PPP2R3C: variants seen among roughly 807,000 people sequenced by gnomAD.
The protein encoded by PPP2R3C is protein phosphatase 2 regulatory subunit B''gamma, also known as serine/threonine-protein phosphatase 2A regulatory subunit B'' subunit gamma.
PPP2R3C carries 47 observed loss-of-function variants against 63.7 expected under a neutral mutation model. The ratio of observed to expected loss-of-function variants is 0.74; its 90% CI spans 0.58 to 0.94. The LOEUF (loss-of-function observed/expected upper bound fraction) is 0.94, where lower values mean the gene tolerates loss of function less well. Among genes scored for constraint, PPP2R3C ranks in the 40% least tolerant of loss-of-function variants. PPP2R3C has a pLI of 0.00. For synonymous variants in PPP2R3C, 180 were observed against 177.4 expected (o/e 1.01, Z -0.12); for missense variants, 421 against 518.4 (o/e 0.81, Z 1.82).
Position 35,099,480 on chromosome 14 carries a change from T to C in PPP2R3C, c.574-96A>G, listed in dbSNP as rs144646656. The C allele has an allele frequency of 7.5e-6, 10 of 1,340,752 alleles. No homozygotes were observed. The East Asian group carries it at 2.3e-4, about 31-fold the overall frequency. 83.1% of individuals were successfully genotyped at this position (1,340,752 alleles called of 1,614,324 possible). A position where few individuals can be genotyped will look rare whatever the true frequency, so the allele number is the denominator to read the frequency against. On this transcript the variant is annotated intron_variant, in intron 6 of 12. Transcript: ENST00000261475. ...AAAATTATTCAGCATTAATACTATA[T>C]TGATAAAGAAATAAATGCATGACTA...
chr14:35,111,166 C>T (rs8014523), intron 2 of PPP2R3C, among the ~76,000 whole-genome samples: 11,140 of 140,656 alleles, frequency 0.079, 515 homozygotes, highest in Middle Eastern at 0.12. Context: ...ACCCAGGAGG[C>T]GGAGGTTGCA....
chr14:35,101,206 A>ACCTCGCGATCTGCCTGC (rs1246402575), intron 6 of PPP2R3C: 1 of 152,128 alleles, frequency 6.6e-6, no homozygotes, highest in Non-Finnish European at 1.5e-5. Flanking sequence ...CGATCTCCTG[A>ACCTCGCGATCTGCCTGC]CCTCGCGATC....
In PPP2R3C at chr14:35,110,028, T is replaced by C. The variant is rs547855434; in HGVS notation, c.292-97A>G. The C allele has an allele frequency of 4.9e-6, 4 of 819,074 alleles. No individual in the cohort carries two copies. In the African/African-American group the frequency reaches 5.2e-5, roughly 11 times the overall value. 50.7% of individuals were successfully genotyped at this position (819,074 alleles called of 1,614,324 possible). A position where few individuals can be genotyped will look rare whatever the true frequency, so the allele number is the denominator to read the frequency against. ...TGCTTTCCACTAAAATGAGAGTTTG[T>C]TGGCAGAGTCAATATTAAGATGAAT... On this transcript the variant is annotated intron_variant, in intron 3 of 12. Coordinates refer to ENST00000261475, the MANE Select transcript of PPP2R3C (RefSeq NM_017917.4).
chr14:35,120,128 C>T (rs1440385900), intron 1 of PPP2R3C, among the ~76,000 whole-genome samples: 7 of 151,600 alleles, frequency 4.6e-5, no homozygotes, highest in Non-Finnish European at 1.0e-4. Context: ...CTTGAGCCAC[C>T]GCGCCCGGCA....
Position 35,095,142 on chromosome 14 carries a change from C to T in PPP2R3C, c.881G>A (p.Ser294Asn). The T allele has an allele frequency of 1.2e-6, 2 of 1,613,522 alleles. No individual in the cohort carries two copies. The highest frequency in any genetic ancestry group is 1.1e-5 in the South Asian group (1 of 91,074). The change falls in exon 10 of 13, where the codon AGT (serine) becomes AAT (asparagine). Residue 294 changes from serine to asparagine, a missense_variant. Ser to Asn is a conservative substitution (Grantham distance 46, BLOSUM62 1). Coordinates refer to ENST00000261475, the MANE Select transcript of PPP2R3C (RefSeq NM_017917.4). ...NLDKDHNGML[S>N]KEELSRYGTA... ...TCCATAGCGTGAGAGTTCTTCTTTA[C>T]TGAGCATGCCATTGTGATCTTTATC...
chr14:35,098,673 A>G (rs989420795), intron 7 of PPP2R3C: 1 of 152,310 alleles, frequency 6.6e-6, no homozygotes, highest in African/African-American at 2.4e-5. Flanking sequence ...CAAGGACAGA[A>G]GGACAATCAG....
At chr14:35,107,444 A>T in intron 5 of PPP2R3C, 70 bp from the exon 6 acceptor site, 2 of 1,285,380 alleles carry the variant, frequency 1.6e-6, no homozygotes, top group Non-Finnish European at 2.2e-6. Flanking sequence ...GGAGATAAAG[A>T]GCCAGATTTG....
intron 12 of PPP2R3C, 148 bp from the exon 13 acceptor site, chr14:35,085,926 C>G (rs2045578948): frequency 1.5e-6 from 1 of 653,864 alleles, no homozygotes; most frequent in Admixed American, 3.5e-5. Flanking sequence ...ATTTTTTGTT[C>G]TACTTTTTTT....
intron 1 of PPP2R3C, among the ~76,000 whole-genome samples, chr14:35,120,850 G>A (rs1467009913): frequency 1.3e-5 from 2 of 152,094 alleles, no homozygotes; most frequent in African/African-American, 4.8e-5. Context: ...AGAGGCTGGG[G>A]TGGGAAGATC....
intron 1 of PPP2R3C, among the ~76,000 whole-genome samples, chr14:35,121,284 G>T (rs1352153731): frequency 6.6e-6 from 1 of 152,114 alleles, no homozygotes; most frequent in African/African-American, 2.4e-5. Context: ...GGCTGAGGCA[G>T]AAGAACCGCT....
chr14:35,102,812 G>C (rs1413822500), intron 6 of PPP2R3C: 1 of 152,274 alleles, frequency 6.6e-6, no homozygotes, highest in African/African-American at 2.4e-5. Context: ...CCAAGCTGGA[G>C]TGCAGTGGCT....
intron 12 of PPP2R3C, chr14:35,086,197 G>GTTGTT (rs896036767): frequency 1.9e-5 from 3 of 156,170 alleles, no homozygotes; most frequent in East Asian, 1.9e-4. Flanking sequence ...TTTTGTTTTT[G>GTTGTT]TTGTTTTGTT....
intron 6 of PPP2R3C, chr14:35,102,768 T>G (rs1184764609): frequency 6.6e-6 from 1 of 152,164 alleles, no homozygotes; most frequent in East Asian, 1.9e-4. Flanking sequence ...CCAGATTTAT[T>G]TATCTATTTA....
intron 1 of PPP2R3C, 156 bp downstream of exon 1, chr14:35,121,746 G>A (rs943192537): frequency 1.5e-5 from 12 of 799,092 alleles, no homozygotes; most frequent in Non-Finnish European, 2.3e-5. Context: ...CAAACCTATC[G>A]GGATCCTTAA....
chr14:35,088,738 C>G (rs1455364795), intron 11 of PPP2R3C, among the ~76,000 whole-genome samples: 1 of 152,138 alleles, frequency 6.6e-6, no homozygotes, highest in Non-Finnish European at 1.5e-5. Flanking sequence ...TAGAGTGAAT[C>G]ATCCAGACCC....
intron 2 of PPP2R3C, among the ~76,000 whole-genome samples, chr14:35,115,929 G>T (rs1372475172): frequency 6.6e-6 from 1 of 151,998 alleles, no homozygotes; most frequent in Admixed American, 6.6e-5. Context: ...GGCCTCAAGT[G>T]AAATTCTTTA....
intron 6 of PPP2R3C, 41 bp downstream of exon 6, chr14:35,107,263 T>A: frequency 6.9e-7 from 1 of 1,441,350 alleles, no homozygotes; most frequent in Non-Finnish European, 9.7e-7. Context: ...CATTTTAGTG[T>A]CTATAAGAGT....
At chr14:35,093,138 G>A (rs1400648555) in intron 10 of PPP2R3C, among the ~76,000 whole-genome samples, 4 of 152,028 alleles carry the variant, frequency 2.6e-5, no homozygotes, top group Non-Finnish European at 4.4e-5. Context: ...GCGTCAACCC[G>A]GGAGGCGGAG....
At chr14:35,114,581 A>G (rs1224397834) in intron 2 of PPP2R3C, among the ~76,000 whole-genome samples, 5 of 152,234 alleles carry the variant, frequency 3.3e-5, no homozygotes, top group Admixed American at 1.3e-4. Flanking sequence ...GTTAACTTGT[A>G]TAATACTAAA....
Sources: gnomAD v4.1 joint callset for allele counts (sites outside exome capture counted in the v4.1 genomes callset) on GRCh38, gnomAD v4.1.1 for gene constraint, MANE v1.5 for transcripts, NCBI Gene and HGNC (gene_info 2026-07-23, HGNC 2026-07-21) for gene names.